Variants in RBPMS observed in about 807,000 individuals in gnomAD.
RBPMS encodes RNA-binding protein with multiple splicing.
Under a neutral mutation model 26.8 loss-of-function variants are expected in RBPMS, and 7 were observed. The ratio of observed to expected loss-of-function variants is 0.26; its 90% CI spans 0.15 to 0.49. RBPMS has a LOEUF of 0.49. RBPMS is among the 20% of genes least tolerant of loss of function. The pLI, the probability that RBPMS is intolerant of heterozygous loss-of-function variation, is 0.98. For missense variants in RBPMS, 186 were observed against 250.0 expected (o/e 0.74, Z 1.73); for synonymous variants, 96 against 93.3 (o/e 1.03, Z -0.17).
At chr8:30,538,540 G>A (rs1825048923) in intron 5 of RBPMS, among the ~76,000 whole-genome samples, 5 of 152,196 alleles carry the variant, frequency 3.3e-5, no homozygotes, top group Admixed American at 3.3e-4. Flanking sequence ...ACAGGCATGA[G>A]GCACCGCGCC....
Position 30,524,288 on chromosome 8 carries a change from TG to T in RBPMS, c.397+19853del, listed in dbSNP as rs1364498063. 2.2e-4 allele frequency among the ~76,000 whole-genome samples: 34 copies of T among 152,300 alleles called. No individual in the cohort carries two copies. In the East Asian group the frequency reaches 6.2e-3, roughly 28 times the overall value. On this transcript the variant is annotated intron_variant, in intron 5 of 8. Coordinates refer to ENST00000397323, the MANE Select transcript of RBPMS (RefSeq NM_001008710.3). The stretch of plus-strand genomic sequence containing the variant: ...GTTTATTGTCTTTTGGTTATGTTAA[TG>T]TATTTCATTAAATTAAAAAATATTT...
chr8:30,474,802 C>A lies in RBPMS; in HGVS notation c.90C>A (p.Gly30=), dbSNP rs1452237675. The A allele has an allele frequency of 1.9e-6, 3 of 1,612,166 alleles. No homozygotes were observed. The highest frequency in any genetic ancestry group is 2.7e-5 in the African/African-American group (2 of 74,864). ...EEEVRTLFVS[G]LPLDIKPREL... ...AGGTCCGGACCCTATTTGTCAGTGGCCTTCCTCTGGATATCAAACCTCGGG... is the reference window on the plus strand; with the variant it reads ...AGGTCCGGACCCTATTTGTCAGTGGACTTCCTCTGGATATCAAACCTCGGG... The change falls in exon 2 of 9, where the codon GGC becomes GGA. Residue 30 remains glycine (G), a synonymous_variant. Coordinates refer to ENST00000397323, the MANE Select transcript of RBPMS (RefSeq NM_001008710.3).
At chr8:30,556,189 C>T in intron 6 of RBPMS, 1 of 985,440 alleles carries the variant, frequency 1.0e-6, no homozygotes, top group Non-Finnish European at 1.2e-6. Flanking sequence ...CCACCCGCCA[C>T]CACATCCACT....
At chr8:30,519,196 A>G (rs375870695) in intron 5 of RBPMS, among the ~76,000 whole-genome samples, 3 of 152,058 alleles carry the variant, frequency 2.0e-5, no homozygotes, top group East Asian at 1.9e-4. Context: ...CTTGGAGGGT[A>G]TGTGTCTAAT....
chr8:30,439,998 G>A (rs897974244), intron 1 of RBPMS, among the ~76,000 whole-genome samples: 5 of 152,206 alleles, frequency 3.3e-5, no homozygotes, highest in African/African-American at 4.8e-5. Context: ...GCAACATAGT[G>A]AGACCTCGTC....
chr8:30,555,451 T>C (rs1449036971), intron 6 of RBPMS, among the ~76,000 whole-genome samples: 1 of 152,180 alleles, frequency 6.6e-6, no homozygotes, highest in Non-Finnish European at 1.5e-5. Flanking sequence ...AGACTAAATG[T>C]CAGGGTCAGT....
At chr8:30,421,988 A>G (rs537684675) in intron 1 of RBPMS, among the ~76,000 whole-genome samples, 18 of 152,206 alleles carry the variant, frequency 1.2e-4, no homozygotes, top group African/African-American at 4.1e-4. Context: ...GCTGGTTGCT[A>G]TGATAGAGAT....
In RBPMS at chr8:30,571,916, A is replaced by C. The variant is rs1244384278; in HGVS notation, c.*1391A>C. 1 of 152,186 alleles carries C rather than the reference A, an allele frequency of 6.6e-6. No homozygotes were observed. The highest frequency in any genetic ancestry group is 1.5e-5 in the Non-Finnish European group (1 of 68,022). 9.4% of individuals were successfully genotyped at this position (152,186 alleles called of 1,614,324 possible). A position where few individuals can be genotyped will look rare whatever the true frequency, so the allele number is the denominator to read the frequency against. On this transcript the variant is annotated 3_prime_UTR_variant, in exon 9 of 9. Transcript: ENST00000397323. ...GGCTTATGTTGAAAATTTCAATGTCATGATTACCTGGTTGGTTTGGGTTTT... is the reference window on the plus strand; with the variant it reads ...GGCTTATGTTGAAAATTTCAATGTCCTGATTACCTGGTTGGTTTGGGTTTT...
intron 5 of RBPMS, among the ~76,000 whole-genome samples, chr8:30,526,088 T>A (rs1350435678): frequency 3.3e-5 from 5 of 152,212 alleles, no homozygotes; most frequent in Middle Eastern, 3.2e-3. Flanking sequence ...ACTTCCTACT[T>A]TGTAGAGTCC....
chr8:30,421,613 C>T (rs1277744709), intron 1 of RBPMS, among the ~76,000 whole-genome samples: 1 of 152,050 alleles, frequency 6.6e-6, no homozygotes, highest in Admixed American at 6.6e-5. Flanking sequence ...ATGTCATATC[C>T]TCACATGTTT....
chr8:30,549,794 C>CTCTCTCTCTCTCTCTCTG (rs1246392654), intron 6 of RBPMS, among the ~76,000 whole-genome samples: 2 of 103,898 alleles, frequency 1.9e-5, no homozygotes, highest in African/African-American at 9.1e-5. Context: ...CTCTCTCTCT[C>CTCTCTCTCTCTCTCTCTG]TCCCCTCTCT....
At chr8:30,518,671 G>T (rs28613528) in intron 5 of RBPMS, among the ~76,000 whole-genome samples, 1 of 98,142 alleles carries the variant, frequency 1.0e-5, no homozygotes. Flanking sequence ...CCAGTGATCC[G>T]CCCGGCCAAG....
intron 1 of RBPMS, chr8:30,385,532 G>A (rs188262830): frequency 2.1e-5 from 4 of 194,804 alleles, no homozygotes; most frequent in African/African-American, 7.0e-5. Context: ...TCAGGGTCGG[G>A]GGGGGAGCAG....
intron 8 of RBPMS, 49 bp downstream of exon 8, chr8:30,566,409 C>A: frequency 1.7e-6 from 1 of 591,356 alleles, no homozygotes; most frequent in Non-Finnish European, 2.1e-6. Flanking sequence ...GCATGGCGAA[C>A]ACGTGGGAAC....
intron 7 of RBPMS, 73 bp downstream of exon 7, chr8:30,559,029 C>G (rs1049270487): frequency 8.0e-7 from 1 of 1,243,144 alleles, no homozygotes; most frequent in Non-Finnish European, 1.2e-6. Flanking sequence ...GCGCCATGAA[C>G]GCAGCTCTCC....
chr8:30,436,664 C>T (rs1177676759), intron 1 of RBPMS, among the ~76,000 whole-genome samples: 1 of 152,180 alleles, frequency 6.6e-6, no homozygotes, highest in Non-Finnish European at 1.5e-5. Context: ...TCTCAGCACA[C>T]GTCACTTTGT....
chr8:30,564,165 A>G (rs929634640), intron 7 of RBPMS: 2 of 152,174 alleles, frequency 1.3e-5, no homozygotes, highest in Non-Finnish European at 2.9e-5. Context: ...TGAGAAGGTA[A>G]CATCTCAGCA....
At chr8:30,467,331 G>C (rs541058047) in intron 1 of RBPMS, among the ~76,000 whole-genome samples, 66 of 152,296 alleles carry the variant, frequency 4.3e-4, no homozygotes, top group African/African-American at 1.4e-3. Context: ...TATTTAAAAA[G>C]AGTAAAAGAA....
rs557025867 is a variant in RBPMS at position 30,386,764 on chromosome 8, CTTTCTG to C, written c.66+1611_66+1616del. 9.9e-5 allele frequency among the ~76,000 whole-genome samples: 15 copies of C among 152,234 alleles called. No homozygotes were observed. In the South Asian group the frequency reaches 2.9e-3, roughly 29 times the overall value. ...TCAAGATAATCATCGCTTCAGAAAT[CTTTCTG>C]TTTCAGCTAGATGTGCAATCTGTTT... On this transcript the variant is annotated intron_variant, in intron 1 of 8. Transcript: ENST00000397323.
Sources: allele counts gnomAD v4.1 joint callset (sites outside exome capture counted in the v4.1 genomes callset), GRCh38; gene constraint gnomAD v4.1.1; transcripts MANE v1.5; gene names NCBI Gene and HGNC (gene_info 2026-07-23, HGNC 2026-07-21).